EHD4: variants seen among roughly 807,000 people sequenced by gnomAD.
The protein encoded by EHD4 is EH domain containing 4, also known as EH domain-containing protein 4.
Under a neutral mutation model 51.0 loss-of-function variants are expected in EHD4, and 37 were observed. That is an observed-to-expected ratio of 0.73 (90% CI 0.56 to 0.95). The LOEUF (loss-of-function observed/expected upper bound fraction) is 0.95, where lower values mean the gene tolerates loss of function less well. EHD4 is among the 40% of genes least tolerant of loss of function. EHD4 has a pLI of 0.00. For missense variants in EHD4, 632 were observed against 733.1 expected (o/e 0.86, Z 1.59); for synonymous variants, 297 against 317.3 (o/e 0.94, Z 0.68).
intron 2 of EHD4, among the ~76,000 whole-genome samples, chr15:41,946,114 A>C (rs1043628275): frequency 5.9e-5 from 9 of 152,220 alleles, no homozygotes; most frequent in Non-Finnish European, 8.8e-5. Flanking sequence ...TTGCTGTCCC[A>C]AGATGGATTT....
chr15:41,947,429 C>T (rs998166412), intron 2 of EHD4, among the ~76,000 whole-genome samples: 6 of 152,192 alleles, frequency 3.9e-5, no homozygotes, highest in Non-Finnish European at 8.8e-5. Flanking sequence ...TTCTACCAGG[C>T]CTGCGGACTT....
At chr15:41,972,193 C>G in intron 1 of EHD4, 66 bp downstream of exon 1, 4 of 1,287,076 alleles carry the variant, frequency 3.1e-6, no homozygotes, top group Middle Eastern at 2.6e-4. Flanking sequence ...GGGAGGCGGC[C>G]GACTGCGGCG....
At position 41,909,738 on chromosome 15, in the gene EHD4, C is replaced by A. The variant is rs757115202; in HGVS notation, c.1050G>T (p.Gln350His). The part of the protein sequence containing the change: ...EIYIQLQREY[Q>H]ISAGDFPEVK... ...CCTCAGGGAAGTCCCCTGCAGAAAT[C>A]TGGTATTCTCGCTGTAGCTGAATGT... is the stretch of plus-strand genomic sequence containing the variant. The change falls in exon 5 of 6, where the codon CAG becomes CAT. Residue 350 changes from glutamine (Q) to histidine (H), a missense_variant. Physicochemically the swap from Gln to His is conservative, Grantham distance 24. Transcript: ENST00000220325. 21 of 1,614,102 alleles carry A rather than the reference C, an allele frequency of 1.3e-5. No individual in the cohort carries two copies. Among genetic ancestry groups the A allele is most frequent in the Non-Finnish European group, 1.4e-5 (17 of 1,180,056 alleles).
chr15:41,938,556 C>T (rs1258827950), intron 3 of EHD4, among the ~76,000 whole-genome samples: 2 of 152,052 alleles, frequency 1.3e-5, no homozygotes, highest in African/African-American at 2.4e-5. Context: ...GATTAAGAGG[C>T]GAGAGCTTAA....
chr15:41,963,937 A>T (rs193035534), intron 1 of EHD4, among the ~76,000 whole-genome samples: 1 of 152,050 alleles, frequency 6.6e-6, no homozygotes, highest in African/African-American at 2.4e-5. Context: ...TGAAGTCAGG[A>T]GATCGAGACC....
chr15:41,898,004 T>C lies in EHD4; in HGVS notation c.*2641A>G, dbSNP rs1481195087. ...GGTGGTGTGGACACATTCACAGAAC[T>C]TTGTACTGGTCCTGGGAAGATACAA... On this transcript the variant is annotated 3_prime_UTR_variant, in exon 6 of 6. Transcript: ENST00000220325. 6.6e-6 allele frequency: 1 copy of C among 152,258 alleles called. No individual in the cohort carries two copies. The highest frequency in any genetic ancestry group is 1.9e-4 in the East Asian group (1 of 5,194). The allele number at this position is 152,258 out of a possible 1,614,324, so 9.4% of individuals were successfully genotyped here.
intron 5 of EHD4, among the ~76,000 whole-genome samples, chr15:41,904,267 T>C (rs1223975888): frequency 6.6e-6 from 1 of 151,460 alleles, no homozygotes; most frequent in African/African-American, 2.4e-5. Context: ...GCAGGGGGAG[T>C]GGCCGCATAT....
At chr15:41,960,731 T>G (rs1290420542) in intron 1 of EHD4, among the ~76,000 whole-genome samples, 1 of 149,762 alleles carries the variant, frequency 6.7e-6, no homozygotes, top group East Asian at 2.0e-4. Context: ...TGGAGTGCAG[T>G]GGCATGATCT....
intron 2 of EHD4, among the ~76,000 whole-genome samples, chr15:41,947,985 G>T (rs926961548): frequency 6.7e-6 from 1 of 148,644 alleles, no homozygotes; most frequent in Non-Finnish European, 1.5e-5. Context: ...GGCCAGGCGC[G>T]GTGGCTCACG....
intron 2 of EHD4, among the ~76,000 whole-genome samples, chr15:41,944,437 G>A (rs943649330): frequency 7.2e-5 from 11 of 152,092 alleles, no homozygotes; most frequent in African/African-American, 1.7e-4. Context: ...CAATTCTTCC[G>A]TACGATGGAA....
At chr15:41,958,000 T>C (rs763174964) in intron 1 of EHD4, among the ~76,000 whole-genome samples, 2 of 151,946 alleles carry the variant, frequency 1.3e-5, no homozygotes, top group Non-Finnish European at 2.9e-5. Flanking sequence ...CCACACGGGA[T>C]AGACAGCCTG....
At chr15:41,903,898 GC>G (rs2067495205) in intron 5 of EHD4, among the ~76,000 whole-genome samples, 2 of 152,264 alleles carry the variant, frequency 1.3e-5, no homozygotes, top group Admixed American at 1.3e-4. Context: ...GGTACTGCAG[GC>G]CGGGTCTCTC....
intron 3 of EHD4, among the ~76,000 whole-genome samples, chr15:41,936,476 A>C: frequency 6.6e-6 from 1 of 152,210 alleles, no homozygotes; most frequent in South Asian, 2.1e-4. Context: ...TACTCAAAAG[A>C]GTAAGGAGCA....
intron 3 of EHD4, among the ~76,000 whole-genome samples, chr15:41,925,490 A>G (rs2067655159): frequency 6.6e-6 from 1 of 152,210 alleles, no homozygotes; most frequent in Non-Finnish European, 1.5e-5. Flanking sequence ...GTGTGTTTGC[A>G]TGTACTAGTG....
At chr15:41,943,459 A>G (rs2067790470) in intron 2 of EHD4, among the ~76,000 whole-genome samples, 1 of 152,172 alleles carries the variant, frequency 6.6e-6, no homozygotes, top group Admixed American at 6.5e-5. Context: ...TTTTGATTTT[A>G]GCTAACATTT....
intron 3 of EHD4, among the ~76,000 whole-genome samples, chr15:41,922,255 G>A (rs1287833830): frequency 6.6e-6 from 1 of 152,118 alleles, no homozygotes; most frequent in East Asian, 1.9e-4. Flanking sequence ...TGGGTGTGGT[G>A]GCGTATGCAT....
At chr15:41,937,919 T>C (rs2067742986) in intron 3 of EHD4, among the ~76,000 whole-genome samples, 1 of 152,182 alleles carries the variant, frequency 6.6e-6, no homozygotes, top group South Asian at 2.1e-4. Flanking sequence ...GATTTCAGAT[T>C]TTCTGATTGG....
rs905525225 is a variant in EHD4, at chr15:41,963,240, T to C, written c.236+9019A>G. Among the ~76,000 whole-genome samples the C allele has an allele frequency of 2.2e-4, 33 of 148,950 alleles. No individual in the cohort carries two copies. The East Asian group carries it at 3.4e-3, about 15-fold the overall frequency. On this transcript the variant is annotated intron_variant, in intron 1 of 5. Coordinates refer to ENST00000220325, the MANE Select transcript of EHD4 (RefSeq NM_139265.4). ...GCTGACCTTCCCTCCACTATTGTCC[T>C]ATGACCCTGCCAAATCCCCCCCTCG...
intron 5 of EHD4, among the ~76,000 whole-genome samples, chr15:41,906,341 C>A (rs1377663770): frequency 6.6e-6 from 1 of 152,216 alleles, no homozygotes; most frequent in Non-Finnish European, 1.5e-5. Context: ...TATAAAAACC[C>A]CAGACTCAGC....
Sources: allele counts gnomAD v4.1 joint callset (sites outside exome capture counted in the v4.1 genomes callset), GRCh38; gene constraint gnomAD v4.1.1; transcripts MANE v1.5; gene names NCBI Gene and HGNC (gene_info 2026-07-23, HGNC 2026-07-21).